The following RAB30 variants were observed in gnomAD, a reference collection of about 807,000 sequenced individuals.
RAB30 encodes RAB30, member RAS oncogene family.
RAB30 carries 9 observed loss-of-function variants against 25.1 expected under a neutral mutation model. The observed-to-expected ratio is 0.36, with a 90% CI of 0.22 to 0.63. The LOEUF is 0.63. Ranked by LOEUF, RAB30 falls within the 20% of genes least tolerant of loss-of-function variation. The probability of loss-of-function intolerance (pLI) is 0.69; values close to 1 mark genes in which losing one functional copy is unlikely to be tolerated. For missense variants in RAB30, 140 were observed against 243.5 expected, an observed-to-expected ratio of 0.58 and a Z score of 2.83; for synonymous variants, 77 against 86.4, an observed-to-expected ratio of 0.89 and a Z score of 0.60.
At chr11:83,005,966 GATCA>G (rs1361123712) in intron 1 of RAB30, among the ~76,000 whole-genome samples, 6 of 151,316 alleles carry the variant, frequency 4.0e-5, no homozygotes, top group Admixed American at 3.9e-4. Flanking sequence ...TTAAAAAACT[GATCA>G]ATCTTACAAA....
intron 4 of RAB30, among the ~76,000 whole-genome samples, chr11:82,982,743 T>A (rs1490998425): frequency 6.6e-6 from 1 of 152,078 alleles, no homozygotes; most frequent in Non-Finnish European, 1.5e-5. Flanking sequence ...GCACCTGTAG[T>A]CCCAGCTACT....
chr11:83,027,595 CT>C (rs1260921546), intron 1 of RAB30, among the ~76,000 whole-genome samples: 1 of 152,012 alleles, frequency 6.6e-6, no homozygotes, highest in South Asian at 2.1e-4. Context: ...CCTGACAGTA[CT>C]TTTTAAAAAA....
At chr11:83,001,714 T>C (rs1490388558) in intron 1 of RAB30, among the ~76,000 whole-genome samples, 1 of 152,092 alleles carries the variant, frequency 6.6e-6, no homozygotes, top group African/African-American at 2.4e-5. Context: ...CCAATCCCCA[T>C]GTGATGAGAC....
intron 2 of RAB30, among the ~76,000 whole-genome samples, chr11:82,996,089 T>C (rs893640507): frequency 6.6e-6 from 1 of 152,232 alleles, no homozygotes; most frequent in Non-Finnish European, 1.5e-5. Flanking sequence ...CAGATGCCTA[T>C]TAGCTTGTTA....
At chr11:83,043,742 AAT>A (rs1043372681) in intron 1 of RAB30, among the ~76,000 whole-genome samples, 3 of 152,192 alleles carry the variant, frequency 2.0e-5, no homozygotes, top group Non-Finnish European at 4.4e-5. Flanking sequence ...CCTTTGTATT[AAT>A]ATGTTTGTTT....
At chr11:83,032,706 A>T (rs1857895916) in intron 1 of RAB30, among the ~76,000 whole-genome samples, 2 of 152,194 alleles carry the variant, frequency 1.3e-5, no homozygotes, top group Non-Finnish European at 2.9e-5. Context: ...GTTTCGCATT[A>T]ATTATTTTTA....
intron 1 of RAB30, among the ~76,000 whole-genome samples, chr11:83,048,198 GT>G (rs1858274758): frequency 6.6e-6 from 1 of 152,036 alleles, no homozygotes. Flanking sequence ...GGCCTAGAAG[GT>G]TTAAAAAGAA....
intron 1 of RAB30, among the ~76,000 whole-genome samples, chr11:83,039,608 T>C (rs1048698683): frequency 2.0e-5 from 3 of 152,022 alleles, no homozygotes; most frequent in Admixed American, 1.3e-4. Context: ...GAGCCTGGAA[T>C]GTTGAGGCTT....
Position 82,976,737 on chromosome 11 carries a change from A to T in RAB30, c.*5428T>A, listed in dbSNP as rs549693346. On this transcript the variant is annotated 3_prime_UTR_variant, in exon 5 of 5. Transcript: ENST00000527633. ...TGACTTAAAAAAACAAAACAAAACC[A>T]TAAAAAAAGACCAATGAAGAGCCGT... 6.6e-6 allele frequency: 1 copy of T among 152,166 alleles called. No homozygotes were observed. Among genetic ancestry groups the T allele is most frequent in the Non-Finnish European group, 1.5e-5 (1 of 68,026 alleles). The allele number at this position is 152,166 out of a possible 1,614,324, so 9.4% of individuals were successfully genotyped here.
At chr11:82,997,453 C>T (rs943596350) in intron 1 of RAB30, 129 bp from the exon 2 acceptor site, 19 of 654,420 alleles carry the variant, frequency 2.9e-5, no homozygotes, top group East Asian at 5.5e-5. Context: ...AGCTCCCCTC[C>T]GGTGACCCTG....
At chr11:83,016,825 A>G (rs1265452003) in intron 1 of RAB30, among the ~76,000 whole-genome samples, 1 of 152,190 alleles carries the variant, frequency 6.6e-6, no homozygotes, top group East Asian at 1.9e-4. Context: ...TTCTCACTTC[A>G]ATGTAAGCAA....
In RAB30 at chr11:83,030,346, AAAT is replaced by A. The variant is rs1857825974; in HGVS notation, c.-8-33025_-8-33023del. ...ACCGCATCTCTTCAAAAAAAAAAAA[AAAT>A]TAGTTGGGTGTGGTGGTATATGCCT... On this transcript the variant is annotated intron_variant, in intron 1 of 4. Coordinates refer to ENST00000527633, the MANE Select transcript of RAB30 (RefSeq NM_001286060.2). 5.3e-5 allele frequency among the ~76,000 whole-genome samples: 8 copies of A among 151,794 alleles called. No homozygotes were observed. The South Asian group carries it at 1.7e-3, about 32-fold the overall frequency.
intron 1 of RAB30, among the ~76,000 whole-genome samples, chr11:82,999,049 CAT>C: frequency 6.6e-6 from 1 of 152,146 alleles, no homozygotes. Flanking sequence ...ACCAAGCCAA[CAT>C]GTAGGTAGCT....
intron 4 of RAB30, among the ~76,000 whole-genome samples, chr11:82,985,704 C>T (rs1856727173): frequency 6.7e-6 from 1 of 148,506 alleles, no homozygotes; most frequent in South Asian, 2.1e-4. Flanking sequence ...AACATATGGA[C>T]CTTACTTGGC....
intron 1 of RAB30, among the ~76,000 whole-genome samples, chr11:83,047,885 TC>T (rs1858267202): frequency 6.6e-6 from 1 of 152,198 alleles, no homozygotes; most frequent in Non-Finnish European, 1.5e-5. Flanking sequence ...ACCACACACT[TC>T]ATTGTCATAC....
chr11:83,027,901 C>T (rs924891037), intron 1 of RAB30, among the ~76,000 whole-genome samples: 2 of 152,140 alleles, frequency 1.3e-5, no homozygotes, highest in Non-Finnish European at 2.9e-5. Flanking sequence ...AAATCCTACA[C>T]TCTGTGGTCT....
At chr11:83,062,653 T>C (rs1157940052) in intron 1 of RAB30, among the ~76,000 whole-genome samples, 2 of 152,170 alleles carry the variant, frequency 1.3e-5, no homozygotes, top group African/African-American at 2.4e-5. Flanking sequence ...CAAAGTCCTT[T>C]TATACACAAC....
Position 83,025,546 on chromosome 11 carries a change from C to A in RAB30, c.-8-28222G>T, listed in dbSNP as rs149471231. Among the ~76,000 whole-genome samples, 17 of 152,338 alleles carry A rather than the reference C, an allele frequency of 1.1e-4. No individual in the cohort carries two copies. In the East Asian group the frequency reaches 3.3e-3, roughly 29 times the overall value. On this transcript the variant is annotated intron_variant, in intron 1 of 4. Coordinates refer to ENST00000527633, the MANE Select transcript of RAB30 (RefSeq NM_001286060.2). ...AGGGGCACTGCAGCTCATCCCCACT[C>A]CTGAAATTACAATGCTGAATTATCC... is the stretch of plus-strand genomic sequence containing the variant.
At chr11:83,037,729 GA>G (rs1023728110) in intron 1 of RAB30, among the ~76,000 whole-genome samples, 1 of 150,458 alleles carries the variant, frequency 6.6e-6, no homozygotes, top group Non-Finnish European at 1.5e-5. Flanking sequence ...ACACTAAGAA[GA>G]AAAAAAAAGT....
Sources: gnomAD v4.1 joint callset for allele counts (sites outside exome capture counted in the v4.1 genomes callset) on GRCh38, gnomAD v4.1.1 for gene constraint, MANE v1.5 for transcripts, NCBI Gene and HGNC (gene_info 2026-07-23, HGNC 2026-07-21) for gene names.